EVI5: variants seen among roughly 807,000 people sequenced by gnomAD.
EVI5 encodes ecotropic viral integration site 5 protein homolog.
A neutral mutation model predicts 112.0 loss-of-function variants in EVI5; 73 were observed. The observed-to-expected ratio is 0.65, with a 90% CI of 0.54 to 0.79. The LOEUF is 0.79. Among genes scored for constraint, EVI5 ranks in the 30% least tolerant of loss-of-function variants. The pLI is 0.00. For missense variants in EVI5, 900 were observed against 968.8 expected (o/e 0.93, Z 0.94); for synonymous variants, 305 against 319.9 (o/e 0.95, Z 0.50).
chr1:92,710,581 C>T (rs1558124520), intron 2 of EVI5, among the ~76,000 whole-genome samples: 2 of 152,292 alleles, frequency 1.3e-5, no homozygotes, highest in South Asian at 2.1e-4. Context: ...GGCCTAAATT[C>T]ATTCATTCTC....
intron 1 of EVI5, among the ~76,000 whole-genome samples, chr1:92,778,583 G>A (rs886495073): frequency 1.3e-5 from 2 of 152,058 alleles, no homozygotes; most frequent in Non-Finnish European, 2.9e-5. Context: ...CAGAAAACTG[G>A]AAGATACTCT....
At chr1:92,613,569 C>T (rs974129717) in intron 16 of EVI5, among the ~76,000 whole-genome samples, 2 of 152,016 alleles carry the variant, frequency 1.3e-5, no homozygotes, top group Non-Finnish European at 2.9e-5. Flanking sequence ...GGATTACAGG[C>T]GTGAGCCACC....
At chr1:92,740,756 C>A (rs905676367) in intron 1 of EVI5, among the ~76,000 whole-genome samples, 1 of 152,162 alleles carries the variant, frequency 6.6e-6, no homozygotes, top group Non-Finnish European at 1.5e-5. Context: ...AAAGATAGTA[C>A]CTTACCCTGT....
intron 1 of EVI5, among the ~76,000 whole-genome samples, chr1:92,790,954 T>C (rs970541917): frequency 6.6e-6 from 1 of 152,230 alleles, no homozygotes; most frequent in Non-Finnish European, 1.5e-5. Flanking sequence ...CAATTCTGTT[T>C]ATCTCTTGAT....
intron 10 of EVI5, among the ~76,000 whole-genome samples, chr1:92,673,700 C>T (rs954445693): frequency 5.3e-5 from 8 of 152,104 alleles, no homozygotes; most frequent in Admixed American, 2.0e-4. Flanking sequence ...GAAGAAGATA[C>T]TGATAAAGAT....
chr1:92,542,914 T>C (rs965448699), intron 19 of EVI5, among the ~76,000 whole-genome samples: 5 of 152,202 alleles, frequency 3.3e-5, no homozygotes, highest in African/African-American at 1.2e-4. Flanking sequence ...TATTTTACCA[T>C]GCTGTAATGA....
At chr1:92,626,061 A>G in intron 14 of EVI5, 127 bp from the exon 15 acceptor site, 1 of 597,580 alleles carries the variant, frequency 1.7e-6, no homozygotes, top group Admixed American at 3.1e-5. Flanking sequence ...AATATAATTC[A>G]CAAACTATGA....
At chr1:92,779,013 C>G (rs1206886661) in intron 1 of EVI5, among the ~76,000 whole-genome samples, 1 of 151,768 alleles carries the variant, frequency 6.6e-6, no homozygotes, top group Non-Finnish European at 1.5e-5. Context: ...AATGTGCAGC[C>G]GAAGCTGAGA....
rs537467389 is a variant in EVI5, at chr1:92,581,617, T to C, written c.2071-17880A>G. Among the ~76,000 whole-genome samples the C allele has an allele frequency of 1.7e-3, 266 of 152,248 alleles. 1 individual carries two copies. The highest frequency in any genetic ancestry group is 5.8e-3 in the African/African-American group (243 of 41,544). On this transcript the variant is annotated intron_variant, in intron 18 of 19. Coordinates refer to ENST00000684568, the MANE Select transcript of EVI5 (RefSeq NM_001350197.2). ...CTCTACCACTGTCTGCTTCTTTTGT[T>C]AGCTGTCACTTTTTAAAGTTTATTG...
intron 19 of EVI5, among the ~76,000 whole-genome samples, chr1:92,546,627 C>T (rs1001993347): frequency 2.6e-5 from 4 of 151,938 alleles, no homozygotes; most frequent in Admixed American, 2.0e-4. Context: ...ATCCGGGAGG[C>T]GGAGGTTGCA....
intron 13 of EVI5, among the ~76,000 whole-genome samples, chr1:92,660,331 C>T (rs1455796384): frequency 6.6e-6 from 1 of 151,924 alleles, no homozygotes; most frequent in Non-Finnish European, 1.5e-5. Context: ...CACAGAAAGA[C>T]AAATACCACA....
At chr1:92,679,131 C>A (rs1667203703) in intron 9 of EVI5, among the ~76,000 whole-genome samples, 2 of 152,236 alleles carry the variant, frequency 1.3e-5, no homozygotes, top group South Asian at 2.1e-4. Flanking sequence ...GGAGTGCAAA[C>A]CCTATTGTGA....
At chr1:92,585,467 C>A (rs1167052183) in intron 18 of EVI5, among the ~76,000 whole-genome samples, 1 of 152,042 alleles carries the variant, frequency 6.6e-6, no homozygotes, top group African/African-American at 2.4e-5. Flanking sequence ...CTGTCCTGGG[C>A]AACAGAGCAA....
At chr1:92,659,725 A>G (rs529661893) in intron 13 of EVI5, among the ~76,000 whole-genome samples, 5 of 152,212 alleles carry the variant, frequency 3.3e-5, no homozygotes, top group Admixed American at 2.6e-4. Context: ...CAGTCCAGCA[A>G]TCCTACTACT....
At chr1:92,576,393 A>T (rs1160065439) in intron 18 of EVI5, among the ~76,000 whole-genome samples, 1 of 152,186 alleles carries the variant, frequency 6.6e-6, no homozygotes, top group Admixed American at 6.5e-5. Context: ...GCCTCTTATT[A>T]AGAGACTAAC....
intron 1 of EVI5, among the ~76,000 whole-genome samples, chr1:92,751,385 A>G (rs998537194): frequency 6.6e-6 from 1 of 152,168 alleles, no homozygotes; most frequent in African/African-American, 2.4e-5. Context: ...TCTCCTCAAC[A>G]TATTCGAGCA....
intron 19 of EVI5, among the ~76,000 whole-genome samples, chr1:92,516,954 C>T (rs917134468): frequency 1.3e-5 from 2 of 151,568 alleles, no homozygotes; most frequent in Admixed American, 6.6e-5. Context: ...TATTTCAAAA[C>T]GTAATCCACT....
chr1:92,672,531 T>A (rs924463466), intron 10 of EVI5, among the ~76,000 whole-genome samples: 2 of 152,320 alleles, frequency 1.3e-5, no homozygotes, highest in Middle Eastern at 3.4e-3. Flanking sequence ...CCATTTTACA[T>A]TCTCTTTCCC....
At chr1:92,715,976 G>A (rs1021464596) in intron 2 of EVI5, among the ~76,000 whole-genome samples, 2 of 152,120 alleles carry the variant, frequency 1.3e-5, no homozygotes, top group African/African-American at 4.8e-5. Flanking sequence ...ACTTGTCGGA[G>A]CCCACCAAAG....
Sources: gnomAD v4.1 joint callset for allele counts (sites outside exome capture counted in the v4.1 genomes callset) on GRCh38, gnomAD v4.1.1 for gene constraint, MANE v1.5 for transcripts, NCBI Gene and HGNC (gene_info 2026-07-23, HGNC 2026-07-21) for gene names.